The following KCNK13 variants were observed in gnomAD, a reference collection of about 807,000 sequenced individuals.
The protein encoded by KCNK13 is potassium channel subfamily K member 13.
Under a neutral mutation model 23.4 loss-of-function variants are expected in KCNK13, and 12 were observed. The ratio of observed to expected loss-of-function variants is 0.51; its 90% CI spans 0.33 to 0.83. The LOEUF (loss-of-function observed/expected upper bound fraction) is 0.83, where lower values mean the gene tolerates loss of function less well. Ranked by LOEUF, KCNK13 falls within the 40% of genes least tolerant of loss-of-function variation. The pLI, the probability that KCNK13 is intolerant of heterozygous loss-of-function variation, is 0.02. For synonymous variants in KCNK13, 231 were observed against 229.5 expected, an observed-to-expected ratio of 1.01 and a Z score of -0.06; for missense variants, 463 against 556.3, an observed-to-expected ratio of 0.83 and a Z score of 1.69.
chr14:90,169,735 G>C (rs1019018297), intron 1 of KCNK13, among the ~76,000 whole-genome samples: 1 of 152,084 alleles, frequency 6.6e-6, no homozygotes, highest in South Asian at 2.1e-4. Flanking sequence ...ATATCCCGAG[G>C]TACTTACTTG....
Position 90,123,184 on chromosome 14 carries a change from C to T in KCNK13, c.334+60645C>T, listed in dbSNP as rs1051602264. The stretch of plus-strand genomic sequence containing the variant: ...GCTCAAAGGCACCTGGTACTTCCTT[C>T]AAATCTGTATCAGTTGGCTAGGGCA... On this transcript the variant is annotated intron_variant, in intron 1 of 1. Transcript: ENST00000282146. Among the ~76,000 whole-genome samples, 4 of 152,344 alleles carry T rather than the reference C, an allele frequency of 2.6e-5. No individual in the cohort carries two copies. In the East Asian group the frequency reaches 7.7e-4, roughly 29 times the overall value.
chr14:90,103,115 C>CT (rs1889501376), intron 1 of KCNK13, among the ~76,000 whole-genome samples: 1 of 152,106 alleles, frequency 6.6e-6, no homozygotes, highest in Non-Finnish European at 1.5e-5. Flanking sequence ...TAATTTTGTC[C>CT]TTTTTTAAGG....
At chr14:90,065,890 T>C (rs12886690) in intron 1 of KCNK13, among the ~76,000 whole-genome samples, 36,248 of 152,154 alleles carry the variant, frequency 0.24, 4,778 homozygotes, top group Non-Finnish European at 0.3. Flanking sequence ...GGTTTCAGGC[T>C]TCATGGCAGA....
chr14:90,090,491 T>G lies in KCNK13; in HGVS notation c.334+27952T>G, dbSNP rs1393001280. On this transcript the variant is annotated intron_variant, in intron 1 of 1. Coordinates refer to ENST00000282146, the MANE Select transcript of KCNK13 (RefSeq NM_022054.4). ...TACAGGCTTATAGGCAGAAGGGCCT[T>G]GCCTTGTCTCCAATGAGATGTTGGA... Among the ~76,000 whole-genome samples, 3 of 152,228 alleles carry G rather than the reference T, an allele frequency of 2.0e-5. No homozygotes were observed. In the East Asian group the frequency reaches 5.8e-4, roughly 29 times the overall value.
intron 1 of KCNK13, among the ~76,000 whole-genome samples, chr14:90,158,440 A>G (rs1350712761): frequency 2.6e-5 from 4 of 152,246 alleles, no homozygotes; most frequent in Non-Finnish European, 5.9e-5. Context: ...AGCATTCATG[A>G]CCTGGCCCAG....
chr14:90,071,121 T>C (rs1889069667), intron 1 of KCNK13, among the ~76,000 whole-genome samples: 1 of 152,170 alleles, frequency 6.6e-6, no homozygotes, highest in African/African-American at 2.4e-5. Context: ...AATGGCTTCC[T>C]TTTCTTTTAT....
Position 90,184,387 on chromosome 14 carries a change from C to T in KCNK13, c.611C>T (p.Ala204Val). The stretch of plus-strand genomic sequence containing the variant: ...TACGTCATGCTGATCCTATGCACAG[C>T]CTCCATCCTCATCTCTTGCTGCGCC... ...VYYVMLILCTASILISCCASA... is the reference protein window; with the variant it reads ...VYYVMLILCTVSILISCCASA... Residue 204 changes from alanine (A) to valine (V), a missense_variant, in exon 2 of 2, where the codon GCC (alanine) becomes GTC (valine). Physicochemically the swap from Ala to Val is moderately conservative, Grantham distance 64. Coordinates refer to ENST00000282146, the MANE Select transcript of KCNK13 (RefSeq NM_022054.4). This position sits in a 1 kb window ranked among gnomAD's most constrained non-coding sequence, Gnocchi z 5.6. 1.2e-6 allele frequency: 2 copies of T among 1,614,246 alleles called. No homozygotes were observed. The highest frequency in any genetic ancestry group is 8.5e-7 in the Non-Finnish European group (1 of 1,180,042).
intron 1 of KCNK13, chr14:90,107,848 A>G (rs1235584114): frequency 1.2e-5 from 10 of 847,792 alleles, no homozygotes; most frequent in Non-Finnish European, 1.9e-5. Flanking sequence ...ACAAGATTCA[A>G]GATTATTTGG....
In KCNK13 at chr14:90,179,811, T is replaced by G. The variant is rs569178746; in HGVS notation, c.335-4300T>G. 6.0e-4 allele frequency among the ~76,000 whole-genome samples: 91 copies of G among 152,364 alleles called. 2 individuals carry two copies. Among genetic ancestry groups the G allele is most frequent in the Middle Eastern group, 3.4e-3 (1 of 294 alleles). On this transcript the variant is annotated intron_variant, in intron 1 of 1. Transcript: ENST00000282146. The stretch of plus-strand genomic sequence containing the variant: ...GCATGGGGCATAACAGCTTTTAAAC[T>G]GATGTAATTATATCATTTGTTGGAA...
chr14:90,076,945 G>C (rs973817768), intron 1 of KCNK13, among the ~76,000 whole-genome samples: 1 of 151,768 alleles, frequency 6.6e-6, no homozygotes, highest in Non-Finnish European at 1.5e-5. Flanking sequence ...TCAGCCTCCC[G>C]AGTAGCTGGG....
chr14:90,168,184 G>T (rs997130093), intron 1 of KCNK13, among the ~76,000 whole-genome samples: 2 of 152,096 alleles, frequency 1.3e-5, no homozygotes, highest in African/African-American at 4.8e-5. Context: ...AGCCAGCCTG[G>T]ACAACATGGC....
At chr14:90,179,930 C>T (rs546273203) in intron 1 of KCNK13, among the ~76,000 whole-genome samples, 1 of 152,168 alleles carries the variant, frequency 6.6e-6, no homozygotes, top group African/African-American at 2.4e-5. Context: ...CCCTGCCCCC[C>T]CTCTCCGGTT....
chr14:90,168,094 C>T (rs150545342), intron 1 of KCNK13, among the ~76,000 whole-genome samples: 6 of 152,098 alleles, frequency 3.9e-5, no homozygotes, highest in African/African-American at 7.2e-5. Context: ...AAGTGAGGGG[C>T]GGGGTGTGGT....
At chr14:90,156,203 CAA>C (rs58520501) in intron 1 of KCNK13, among the ~76,000 whole-genome samples, 26 of 132,052 alleles carry the variant, frequency 2.0e-4, no homozygotes, top group Non-Finnish European at 1.8e-4. Flanking sequence ...AGAGTCTGGC[CAA>C]AAAAAAAAAA....
chr14:90,141,710 G>A (rs774273355), intron 1 of KCNK13, among the ~76,000 whole-genome samples: 2 of 149,402 alleles, frequency 1.3e-5, no homozygotes, highest in East Asian at 2.1e-4. Flanking sequence ...TGCTGGGCTC[G>A]GCCTCCCAAA....
intron 1 of KCNK13, among the ~76,000 whole-genome samples, chr14:90,177,997 T>C (rs189061030): frequency 6.6e-6 from 1 of 152,322 alleles, no homozygotes. Context: ...TGACTCATGC[T>C]GCAGACACAC....
intron 1 of KCNK13, among the ~76,000 whole-genome samples, chr14:90,090,513 T>C (rs2140400692): frequency 6.6e-6 from 1 of 152,336 alleles, no homozygotes; most frequent in East Asian, 1.9e-4. Flanking sequence ...AATGAGATGT[T>C]GGACTGTAGA....
chr14:90,062,643 C>A lies in KCNK13; in HGVS notation c.334+104C>A. 2 of 854,616 alleles carry A rather than the reference C, an allele frequency of 2.3e-6. No homozygotes were observed. Among genetic ancestry groups the A allele is most frequent in the Non-Finnish European group, 3.5e-6 (2 of 576,138 alleles). 52.9% of individuals were successfully genotyped at this position (854,616 alleles called of 1,614,324 possible). A position where few individuals can be genotyped will look rare whatever the true frequency, so the allele number is the denominator to read the frequency against. On this transcript the variant is annotated intron_variant, in intron 1 of 1. Coordinates refer to ENST00000282146, the MANE Select transcript of KCNK13 (RefSeq NM_022054.4). The surrounding 1 kb of genome is among the most constrained non-coding windows in gnomAD (Gnocchi z 4.5). ...CCTTTCATTCATCCATCTGGGCGCC[C>A]AGCCAGACTCCACTGACATGAGCTG...
chr14:90,115,118 C>T (rs1207155184), intron 1 of KCNK13, among the ~76,000 whole-genome samples: 1 of 152,218 alleles, frequency 6.6e-6, no homozygotes, highest in Non-Finnish European at 1.5e-5. Flanking sequence ...GACCTGGTCT[C>T]ATTTCAGCTC....
Sources: gnomAD v4.1 joint callset for allele counts (sites outside exome capture counted in the v4.1 genomes callset) on GRCh38, gnomAD v4.1.1 for gene constraint, Gnocchi (gnomAD v3.1) non-coding constraint, MANE v1.5 for transcripts, NCBI Gene and HGNC (gene_info 2026-07-23, HGNC 2026-07-21) for gene names.